Variants in TDRD9 observed in about 807,000 individuals in gnomAD.
TDRD9 encodes tudor domain containing 9.
TDRD9 carries 124 observed loss-of-function variants against 172.6 expected under a neutral mutation model. The ratio of observed to expected loss-of-function variants is 0.72; its 90% CI spans 0.62 to 0.83. TDRD9 has a LOEUF of 0.83. Ranked by LOEUF, TDRD9 falls within the 40% of genes least tolerant of loss-of-function variation. The pLI, the probability that TDRD9 is intolerant of heterozygous loss-of-function variation, is 0.00. For missense variants in TDRD9, 1,479 were observed against 1,714.1 expected (o/e 0.86, Z 2.42); for synonymous variants, 619 against 617.1 (o/e 1.00, Z -0.05).
chr14:103,970,465 G>C (rs1294990462), intron 5 of TDRD9, 76 bp from the exon 6 acceptor site: 10 of 1,042,444 alleles, frequency 9.6e-6, no homozygotes, highest in Non-Finnish European at 1.5e-5. Flanking sequence ...CAGTCCCCCA[G>C]TGGTGCCTTT....
intron 7 of TDRD9, among the ~76,000 whole-genome samples, chr14:103,982,521 G>A (rs2033513481): frequency 6.6e-6 from 1 of 152,158 alleles, no homozygotes; most frequent in African/African-American, 2.4e-5. Context: ...TTCTGTGGTG[G>A]CATCCTGGTT....
At chr14:103,938,414 G>GTATA (rs1231280146) in intron 1 of TDRD9, among the ~76,000 whole-genome samples, 10 of 97,486 alleles carry the variant, frequency 1.0e-4, no homozygotes, top group African/African-American at 4.1e-4. Flanking sequence ...GTGTGTGTGT[G>GTATA]TATATATATA....
intron 8 of TDRD9, 48 bp from the exon 9 acceptor site, chr14:103,991,112 G>A (rs2033845889): frequency 6.2e-7 from 1 of 1,605,996 alleles, no homozygotes. Flanking sequence ...AGAAGCAATA[G>A]CTGTTATTAG....
Position 103,963,011 on chromosome 14 carries a change from T to C in TDRD9, c.323-68T>C, listed in dbSNP as rs111302906. The C allele has an allele frequency of 3.3e-3, 2,681 of 821,862 alleles. 49 individuals carry two copies. The African/African-American group carries it at 0.04, about 12-fold the overall frequency. 50.9% of individuals were successfully genotyped at this position (821,862 alleles called of 1,614,324 possible). A position where few individuals can be genotyped will look rare whatever the true frequency, so the allele number is the denominator to read the frequency against. On this transcript the variant is annotated intron_variant, in intron 2 of 35. Coordinates refer to ENST00000409874, the MANE Select transcript of TDRD9 (RefSeq NM_153046.3). ...GTGTGTGTATGCTGTATCTATAGAT[T>C]AGAACATTGAGTTATCTTTTTCCAG...
intron 2 of TDRD9, among the ~76,000 whole-genome samples, chr14:103,959,491 T>TACAC (rs147603782): frequency 6.1e-5 from 9 of 148,466 alleles, no homozygotes; most frequent in East Asian, 4.0e-4. Context: ...TATGTATACA[T>TACAC]ACACACACAC....
At chr14:104,009,617 T>C (rs567677439) in intron 20 of TDRD9, among the ~76,000 whole-genome samples, 92 of 152,308 alleles carry the variant, frequency 6.0e-4, no homozygotes, top group African/African-American at 2.1e-3. Flanking sequence ...AATTGTAGCT[T>C]AATATAACTT....
rs1345652201 is a variant in TDRD9, at chr14:103,973,917, G to T, written c.847-1472G>T. On this transcript the variant is annotated intron_variant, in intron 6 of 35. Transcript: ENST00000409874. ...GCTTATATGAAATGTTTACTTTTTGGCTGGGTGTGGTGGCTCATGCCTGTA... is the reference window on the plus strand; with the variant it reads ...GCTTATATGAAATGTTTACTTTTTGTCTGGGTGTGGTGGCTCATGCCTGTA... Among the ~76,000 whole-genome samples the T allele has an allele frequency of 2.6e-5, 4 of 152,040 alleles. No individual in the cohort carries two copies. The East Asian group carries it at 7.7e-4, about 29-fold the overall frequency.
intron 1 of TDRD9, among the ~76,000 whole-genome samples, chr14:103,936,150 C>T (rs1023973452): frequency 3.9e-5 from 6 of 152,138 alleles, no homozygotes; most frequent in Non-Finnish European, 8.8e-5. Flanking sequence ...GGCACAATAA[C>T]GTTTCACTGC....
intron 2 of TDRD9, among the ~76,000 whole-genome samples, chr14:103,956,744 C>T (rs76211075): frequency 0.029 from 4,355 of 152,156 alleles, 133 homozygotes; most frequent in African/African-American, 0.075. Context: ...AAAGGTCCTT[C>T]TTAAATTCCC....
Position 104,052,123 on chromosome 14 carries a change from T to A in TDRD9, c.*41T>A. The A allele has an allele frequency of 7.0e-7, 1 of 1,430,104 alleles. No homozygotes were observed. The highest frequency in any genetic ancestry group is 9.6e-7 in the Non-Finnish European group (1 of 1,038,370). The allele number at this position is 1,430,104 out of a possible 1,614,324, so 88.6% of individuals were successfully genotyped here. A position where few individuals can be genotyped will look rare whatever the true frequency, so the allele number is the denominator to read the frequency against. ...GCCTCCAGCACACCCCTCAGGAAGCTGTGGAGGCTGGATTCCAGGCTCCCT... is the reference window on the plus strand; with the variant it reads ...GCCTCCAGCACACCCCTCAGGAAGCAGTGGAGGCTGGATTCCAGGCTCCCT... On this transcript the variant is annotated 3_prime_UTR_variant, in exon 36 of 36. Coordinates refer to ENST00000409874, the MANE Select transcript of TDRD9 (RefSeq NM_153046.3).
Position 103,959,455 on chromosome 14 carries a change from C to CGTGTGTGTGTGTGT in TDRD9, c.323-3611_323-3598dup, listed in dbSNP as rs151216232. Among the ~76,000 whole-genome samples, 478 of 144,088 alleles carry CGTGTGTGTGTGTGT rather than the reference C, an allele frequency of 3.3e-3. 5 individuals are homozygous for CGTGTGTGTGTGTGT. The highest frequency in any genetic ancestry group is 9.3e-3 in the South Asian group (41 of 4,416). 94.5% of individuals were successfully genotyped at this position (144,088 alleles called of 152,430 possible). ...CACTGAAGAAGTAAGGTCAGGTTAT[C>CGTGTGTGTGTGTGT]GTGTGTGTGTGTGTGTGTGTGTGTG... On this transcript the variant is annotated intron_variant, in intron 2 of 35. Coordinates refer to ENST00000409874, the MANE Select transcript of TDRD9 (RefSeq NM_153046.3).
chr14:103,987,397 AT>A (rs1422408352), intron 8 of TDRD9, among the ~76,000 whole-genome samples: 42 of 151,754 alleles, frequency 2.8e-4, no homozygotes, highest in African/African-American at 9.7e-4. Context: ...CATCTTCCAA[AT>A]TTCCTGCTAT....
rs146483988 is a variant in TDRD9 at position 104,016,037 on chromosome 14, G to A, written c.2280G>A (p.Glu760=). The A allele has an allele frequency of 1.6e-4, 260 of 1,604,196 alleles. 1 individual carries two copies. In the African/African-American group the frequency reaches 3.0e-3, roughly 18 times the overall value. The change falls in exon 22 of 36, where the codon GAG becomes GAA. Residue 760 remains glutamate (E), a synonymous_variant. Transcript: ENST00000409874. ...ACTTTACTTTTGGACAGCCGGATGA[G>A]GAGATGGCGGTGAGGGAGCTGGCTG... ...PNYFTFGQPD[E]EMAVRELAGK...
intron 9 of TDRD9, 39 bp downstream of exon 9, chr14:103,991,263 C>T (rs1260244244): frequency 6.2e-7 from 1 of 1,605,164 alleles, no homozygotes; most frequent in Non-Finnish European, 8.5e-7. Flanking sequence ...AATCATAATA[C>T]TCTGGAGAGA....
intron 31 of TDRD9, 37 bp from the exon 32 acceptor site, chr14:104,034,923 G>A (rs941483646): frequency 1.3e-6 from 2 of 1,509,820 alleles, no homozygotes; most frequent in East Asian, 2.5e-5. Flanking sequence ...AGCAGCGTGA[G>A]TTAATGCCCG....
Position 104,004,241 on chromosome 14 carries a change from G to C in TDRD9, c.1487G>C (p.Arg496Pro). The change falls in exon 14 of 36, where the codon CGT becomes CCT. Residue 496 changes from arginine to proline, a missense_variant. Arg to Pro is a moderately radical substitution (Grantham distance 103). This residue lies in a region of TDRD9 where 1,413 missense variants were observed against 1,649.1 expected (regional missense o/e 0.86). Transcript: ENST00000409874. ...TTTGCACATCTCTCCTTTGAAGGCC[G>C]TGCTGGACGAGTGTCTAGAGGGTAC... ...SKTSCNQRKG[R>P]AGRVSRGYCY... 2 of 1,570,124 alleles carry C rather than the reference G, an allele frequency of 1.3e-6. No individual in the cohort carries two copies. The highest frequency in any genetic ancestry group is 1.2e-5 in the South Asian group (1 of 85,882).
At chr14:103,952,047 C>T (rs911163157) in intron 1 of TDRD9, among the ~76,000 whole-genome samples, 36 of 149,612 alleles carry the variant, frequency 2.4e-4, no homozygotes, top group African/African-American at 7.9e-4. Context: ...GGATTACCGG[C>T]GTGAGCCACC....
intron 22 of TDRD9, among the ~76,000 whole-genome samples, chr14:104,017,796 A>C (rs2034837176): frequency 6.6e-6 from 1 of 152,232 alleles, no homozygotes; most frequent in Admixed American, 6.5e-5. Context: ...AGTATTTAGT[A>C]AGCTTGATTA....
chr14:103,929,404 T>G (rs2030214368), intron 1 of TDRD9, among the ~76,000 whole-genome samples: 1 of 152,180 alleles, frequency 6.6e-6, no homozygotes, highest in South Asian at 2.1e-4. Flanking sequence ...GGTTCCTCCA[T>G]GCCTTTCCAT....
Sources: allele counts gnomAD v4.1 joint callset (sites outside exome capture counted in the v4.1 genomes callset), GRCh38; gene constraint gnomAD v4.1.1; regional missense constraint gnomAD v4.1.1; transcripts MANE v1.5; gene names NCBI Gene and HGNC (gene_info 2026-07-23, HGNC 2026-07-21).